The following COL22A1 variants were observed in gnomAD, a reference collection of about 807,000 sequenced individuals.
The protein encoded by COL22A1 is collagen alpha-1(XXII) chain.
Under a neutral mutation model 248.9 loss-of-function variants are expected in COL22A1, and 221 were observed. That is an observed-to-expected ratio of 0.89 (90% CI 0.80 to 0.99). COL22A1 has a LOEUF of 0.99. Among genes scored for constraint, COL22A1 ranks in the 50% least tolerant of loss-of-function variants. The pLI is 0.00. For synonymous variants in COL22A1, 891 were observed against 793.4 expected, an observed-to-expected ratio of 1.12 and a Z score of -2.07; for missense variants, 2,240 against 2,179.0, an observed-to-expected ratio of 1.03 and a Z score of -0.56.
chr8:138,841,318 G>T (rs1468341544), intron 4 of COL22A1, among the ~76,000 whole-genome samples: 1 of 152,176 alleles, frequency 6.6e-6, no homozygotes, highest in Non-Finnish European at 1.5e-5. Context: ...ATGCTTGCTG[G>T]GGAGGTAGAC....
intron 57 of COL22A1, among the ~76,000 whole-genome samples, chr8:138,607,628 A>C (rs571211592): frequency 4.0e-4 from 60 of 151,398 alleles, no homozygotes; most frequent in African/African-American, 1.4e-3. Context: ...CATCCTCTGG[A>C]AACATCAAAC....
chr8:138,598,660 C>T (rs1187469841), intron 61 of COL22A1, 59 bp downstream of exon 61: 2 of 1,517,376 alleles, frequency 1.3e-6, no homozygotes, highest in Non-Finnish European at 8.9e-7. Flanking sequence ...CACACACTTC[C>T]CTGGCTCCCC....
intron 17 of COL22A1, among the ~76,000 whole-genome samples, chr8:138,760,789 A>G (rs1292732208): frequency 1.3e-5 from 2 of 152,100 alleles, no homozygotes; most frequent in African/African-American, 4.8e-5. Flanking sequence ...GATGCTGAAG[A>G]CTTGTCCCTC....
rs1829431430 is a variant in COL22A1 at position 138,716,355 on chromosome 8, A to G, written c.2401-66T>C. The G allele has an allele frequency of 4.4e-6, 5 of 1,126,712 alleles. No individual in the cohort carries two copies. In the Admixed American group the frequency reaches 1.1e-4, roughly 25 times the overall value. 69.8% of individuals were successfully genotyped at this position (1,126,712 alleles called of 1,614,324 possible). ...TCTCCCAGGGGCCAAGCTGCAGGCCATGTGCTCTCAGTTCCTGCTCTCCAG... is the reference window on the plus strand; with the variant it reads ...TCTCCCAGGGGCCAAGCTGCAGGCCGTGTGCTCTCAGTTCCTGCTCTCCAG... On this transcript the variant is annotated intron_variant, in intron 28 of 64. Coordinates refer to ENST00000303045, the MANE Select transcript of COL22A1 (RefSeq NM_152888.3).
intron 36 of COL22A1, among the ~76,000 whole-genome samples, chr8:138,689,512 T>C (rs1184287804): frequency 6.6e-6 from 1 of 152,054 alleles, no homozygotes; most frequent in Non-Finnish European, 1.5e-5. Flanking sequence ...GGTCAGGAGT[T>C]CAAGACCAGC....
intron 3 of COL22A1, among the ~76,000 whole-genome samples, chr8:138,856,534 G>T (rs1329558591): frequency 6.6e-6 from 1 of 151,804 alleles, no homozygotes; most frequent in African/African-American, 2.4e-5. Flanking sequence ...GCAAGAGAAA[G>T]AGAGACAGAG....
chr8:138,872,339 G>C (rs1039925842), intron 3 of COL22A1, among the ~76,000 whole-genome samples: 3 of 152,172 alleles, frequency 2.0e-5, no homozygotes, highest in Non-Finnish European at 4.4e-5. Context: ...GGGAGCACAG[G>C]AGAGGCTGCT....
intron 42 of COL22A1, among the ~76,000 whole-genome samples, chr8:138,663,113 A>G (rs1236396716): frequency 6.6e-6 from 1 of 152,166 alleles, no homozygotes; most frequent in Non-Finnish European, 1.5e-5. Context: ...ATAAGATACA[A>G]TATCATCCCA....
At chr8:138,874,675 C>G (rs902576576) in intron 3 of COL22A1, among the ~76,000 whole-genome samples, 1 of 152,210 alleles carries the variant, frequency 6.6e-6, no homozygotes, top group Non-Finnish European at 1.5e-5. Context: ...CATGTCCATT[C>G]TCTGCCTCTG....
At chr8:138,824,499 CAA>C (rs1819420947) in intron 6 of COL22A1, among the ~76,000 whole-genome samples, 1 of 152,222 alleles carries the variant, frequency 6.6e-6, no homozygotes, top group Non-Finnish European at 1.5e-5. Context: ...TGGGCCTGTG[CAA>C]CTCCACAGAG....
chr8:138,689,213 G>T (rs1464700380), intron 36 of COL22A1, among the ~76,000 whole-genome samples: 1 of 151,956 alleles, frequency 6.6e-6, no homozygotes, highest in Non-Finnish European at 1.5e-5. Flanking sequence ...CAGCAGGCAT[G>T]GTCTGCTGGA....
intron 23 of COL22A1, among the ~76,000 whole-genome samples, chr8:138,727,248 G>A (rs1222291190): frequency 1.3e-5 from 2 of 151,918 alleles, no homozygotes; most frequent in South Asian, 2.1e-4. Context: ...TTTCTCTCTG[G>A]ATACCCCCTC....
intron 17 of COL22A1, 86 bp downstream of exon 17, chr8:138,762,327 C>A: frequency 7.4e-7 from 1 of 1,355,382 alleles, no homozygotes; most frequent in Non-Finnish European, 1.0e-6. Context: ...GGTGCTGAGG[C>A]TCTGTGGAGC....
intron 6 of COL22A1, 76 bp downstream of exon 6, chr8:138,826,582 G>T: frequency 6.7e-7 from 1 of 1,486,374 alleles, no homozygotes; most frequent in South Asian, 1.1e-5. Context: ...GAGAAAACAT[G>T]GTGGGTGGTG....
intron 3 of COL22A1, among the ~76,000 whole-genome samples, chr8:138,864,937 G>T (rs1208410910): frequency 1.3e-5 from 2 of 152,250 alleles, no homozygotes; most frequent in African/African-American, 4.8e-5. Flanking sequence ...GAACTCACCT[G>T]CAGGGGGTTG....
At chr8:138,755,984 C>G (rs1300810126) in intron 18 of COL22A1, among the ~76,000 whole-genome samples, 155 bp from the exon 19 acceptor site, 1 of 152,206 alleles carries the variant, frequency 6.6e-6, no homozygotes, top group African/African-American at 2.4e-5. Flanking sequence ...CTGCTGTCTT[C>G]TGAAATTCTC....
intron 51 of COL22A1, among the ~76,000 whole-genome samples, chr8:138,625,219 G>A (rs778472387): frequency 6.6e-6 from 1 of 152,146 alleles, no homozygotes; most frequent in African/African-American, 2.4e-5. Flanking sequence ...GGGATGAGAT[G>A]GGGGAAGATC....
At chr8:138,638,342 C>T (rs1356800268) in intron 47 of COL22A1, among the ~76,000 whole-genome samples, 1 of 152,140 alleles carries the variant, frequency 6.6e-6, no homozygotes, top group African/African-American at 2.4e-5. Context: ...CATCCCTTAA[C>T]TTTGCATTCT....
intron 11 of COL22A1, among the ~76,000 whole-genome samples, chr8:138,800,582 T>C (rs527447817): frequency 6.6e-6 from 1 of 152,192 alleles, no homozygotes; most frequent in Non-Finnish European, 1.5e-5. Context: ...AAAATTTGAA[T>C]GTAGGCTGCC....
Sources: gnomAD v4.1 joint callset for allele counts (sites outside exome capture counted in the v4.1 genomes callset) on GRCh38, gnomAD v4.1.1 for gene constraint, MANE v1.5 for transcripts, NCBI Gene and HGNC (gene_info 2026-07-23, HGNC 2026-07-21) for gene names.